SFI1: variants seen among roughly 807,000 people sequenced by gnomAD.
The protein encoded by SFI1 is SFI1 centrin binding protein, also known as protein SFI1 homolog.
SFI1 carries 195 observed loss-of-function variants against 207.5 expected under a neutral mutation model. The ratio of observed to expected loss-of-function variants is 0.94; its 90% CI spans 0.84 to 1.06. The LOEUF (loss-of-function observed/expected upper bound fraction) is 1.06, where lower values mean the gene tolerates loss of function less well. Ranked by LOEUF, SFI1 falls within the 50% of genes least tolerant of loss-of-function variation. SFI1 has a pLI of 0.00. For missense variants in SFI1, 1,634 were observed against 1,588.0 expected, an observed-to-expected ratio of 1.03 and a Z score of -0.49; for synonymous variants, 630 against 598.9, an observed-to-expected ratio of 1.05 and a Z score of -0.76.
chr22:31,514,724 A>G (rs1342076848), intron 2 of SFI1, among the ~76,000 whole-genome samples: 3 of 151,494 alleles, frequency 2.0e-5, no homozygotes, highest in Admixed American at 6.6e-5. Context: ...CACTTAATAT[A>G]ATGTTCTCCA....
At chr22:31,615,602 A>T (rs1420013138) in intron 29 of SFI1, 5 of 275,604 alleles carry the variant, frequency 1.8e-5, no homozygotes, top group African/African-American at 1.1e-4. Flanking sequence ...GGATTTGAGA[A>T]GAGTAGGAAG....
At chr22:31,613,121 A>G in intron 24 of SFI1, 21 bp from the exon 25 acceptor site, 1 of 1,611,924 alleles carries the variant, frequency 6.2e-7, no homozygotes, top group Non-Finnish European at 8.5e-7. Flanking sequence ...TAGGGAAATG[A>G]TCTGGTCTTT....
chr22:31,573,468 G>A (rs1429590167), intron 9 of SFI1, among the ~76,000 whole-genome samples: 5 of 143,808 alleles, frequency 3.5e-5, no homozygotes, highest in East Asian at 4.0e-4. Context: ...ATGGAGTTTC[G>A]CTCTTGTCAC....
intron 4 of SFI1, among the ~76,000 whole-genome samples, chr22:31,536,708 C>T (rs1189798395): frequency 2.6e-5 from 4 of 152,060 alleles, no homozygotes; most frequent in Non-Finnish European, 4.4e-5. Context: ...CCACCATGCC[C>T]GGCCCTAAAA....
chr22:31,514,782 T>C (rs1293113239), intron 2 of SFI1, among the ~76,000 whole-genome samples: 1 of 151,742 alleles, frequency 6.6e-6, no homozygotes, highest in Non-Finnish European at 1.5e-5. Flanking sequence ...TTCCTTTTTT[T>C]TTTTTTTTGA....
intron 8 of SFI1, among the ~76,000 whole-genome samples, chr22:31,565,106 A>C (rs1287797946): frequency 2.0e-5 from 3 of 151,670 alleles, no homozygotes. Flanking sequence ...TACAGGCGTG[A>C]GCCACCGTGC....
chr22:31,580,215 T>C lies in SFI1; in HGVS notation c.1156-57T>C, dbSNP rs191379434. 5.5e-4 allele frequency: 780 copies of C among 1,424,730 alleles called. 12 individuals are homozygous for C. The highest frequency in any genetic ancestry group is 1.4e-4 in the Non-Finnish European group (137 of 1,013,262). The allele number at this position is 1,424,730 out of a possible 1,614,324, so 88.3% of individuals were successfully genotyped here. ...ACTGTTTGCCTTCCTCTACTCTTAG[T>C]TTACAGACTCTACTGATCCCAGTCC... On this transcript the variant is annotated intron_variant, in intron 11 of 32. Coordinates refer to ENST00000400288, the MANE Select transcript of SFI1 (RefSeq NM_001007467.3).
intron 4 of SFI1, among the ~76,000 whole-genome samples, chr22:31,542,688 G>C (rs1248802391): frequency 6.6e-6 from 1 of 151,770 alleles, no homozygotes; most frequent in African/African-American, 2.4e-5. Flanking sequence ...TTGAGACAGA[G>C]TCTCACTATA....
At chr22:31,612,399 ATATATATATAT>A (rs1473252526) in intron 24 of SFI1, 19 of 57,112 alleles carry the variant, frequency 3.3e-4, no homozygotes, top group African/African-American at 1.3e-3. Flanking sequence ...AAAAAAAAAA[ATATATATATAT>A]ATATATATAT....
At chr22:31,540,478 C>T (rs1035426495) in intron 4 of SFI1, among the ~76,000 whole-genome samples, 45 of 151,632 alleles carry the variant, frequency 3.0e-4, no homozygotes, top group Non-Finnish European at 6.5e-4. Context: ...GACGGGGTTT[C>T]ACCCTCTTGG....
At chr22:31,570,835 G>A (rs950207416) in intron 8 of SFI1, among the ~76,000 whole-genome samples, 13 of 152,164 alleles carry the variant, frequency 8.5e-5, no homozygotes, top group African/African-American at 3.1e-4. Flanking sequence ...GCACAGAGGT[G>A]GGAGTCAGCA....
chr22:31,558,468 ATT>A (rs543306404), intron 7 of SFI1, among the ~76,000 whole-genome samples: 1,766 of 143,938 alleles, frequency 0.012, 9 homozygotes, highest in Middle Eastern at 0.029. Context: ...GTCTGAGTGA[ATT>A]TTTTTTTTTT....
At chr22:31,536,466 C>T (rs775046333) in intron 4 of SFI1, among the ~76,000 whole-genome samples, 3 of 152,210 alleles carry the variant, frequency 2.0e-5, no homozygotes, top group Non-Finnish European at 2.9e-5. Context: ...GGCTGGAGTG[C>T]GGTGGCACGA....
chr22:31,591,673 CG>C (rs1476825899), intron 15 of SFI1, among the ~76,000 whole-genome samples: 1 of 80,870 alleles, frequency 1.2e-5, no homozygotes, highest in Non-Finnish European at 2.4e-5. Flanking sequence ...CCCTCCCGGA[CG>C]GGGCGGCTGG....
chr22:31,575,252 A>G lies in SFI1; in HGVS notation c.944A>G (p.His315Arg). Residue 315 changes from histidine (H) to arginine (R), a missense_variant, in exon 10 of 33, where the codon CAT becomes CGT. His to Arg is a conservative substitution (Grantham distance 29). Transcript: ENST00000400288. ...GCAGAGATGGCTGAGCGATTCCATC[A>G]TGTCACTGTGCTCCAGATATACTTC... ...QQNEMAERFHHVTVLQIYFCD... is the reference protein window; with the variant it reads ...QQNEMAERFHRVTVLQIYFCD... The G allele has an allele frequency of 6.2e-7, 1 of 1,611,352 alleles. No homozygotes were observed. The highest frequency in any genetic ancestry group is 1.1e-5 in the South Asian group (1 of 90,348).
intron 4 of SFI1, among the ~76,000 whole-genome samples, chr22:31,540,264 T>G (rs2059355741): frequency 6.7e-6 from 1 of 149,890 alleles, no homozygotes; most frequent in Non-Finnish European, 1.5e-5. Context: ...TTTTATTTTA[T>G]TTTATTTATT....
rs1286408441 is a variant in SFI1, at chr22:31,585,146, T to C, written c.1413+12T>C. ...GGCGGTACAAGCAGGTATGGAGTAC[T>C]TTTTAGCAGATAGCTCTACTGGCTT... On this transcript the variant is annotated intron_variant, in intron 14 of 32. Coordinates refer to ENST00000400288, the MANE Select transcript of SFI1 (RefSeq NM_001007467.3). 1 of 1,610,502 alleles carries C rather than the reference T, an allele frequency of 6.2e-7. No individual in the cohort carries two copies. Among genetic ancestry groups the C allele is most frequent in the South Asian group, 1.1e-5 (1 of 90,824 alleles).
intron 2 of SFI1, among the ~76,000 whole-genome samples, chr22:31,527,452 A>T (rs945758020): frequency 1.3e-5 from 2 of 152,220 alleles, no homozygotes; most frequent in African/African-American, 4.8e-5. Flanking sequence ...AAAATCTAAG[A>T]GACTGATTGT....
intron 14 of SFI1, among the ~76,000 whole-genome samples, chr22:31,587,072 A>G (rs2065114535): frequency 6.6e-6 from 1 of 152,246 alleles, no homozygotes; most frequent in Non-Finnish European, 1.5e-5. Flanking sequence ...TGGGTTCCAC[A>G]TCCATAGATT....
Sources: gnomAD v4.1 joint callset for allele counts (sites outside exome capture counted in the v4.1 genomes callset) on GRCh38, gnomAD v4.1.1 for gene constraint, MANE v1.5 for transcripts, NCBI Gene and HGNC (gene_info 2026-07-23, HGNC 2026-07-21) for gene names.